Variants in DDR2 observed in about 807,000 individuals in gnomAD.
DDR2 encodes discoidin domain receptor tyrosine kinase 2, also known as discoidin domain-containing receptor 2.
DDR2 carries 27 observed loss-of-function variants against 94.9 expected under a neutral mutation model. The ratio of observed to expected loss-of-function variants is 0.28; its 90% CI spans 0.21 to 0.39. The LOEUF (loss-of-function observed/expected upper bound fraction) is 0.39. DDR2 is among the 10% of genes least tolerant of loss of function. The pLI is 1.00. For missense variants in DDR2, 783 were observed against 1,076.0 expected, an observed-to-expected ratio of 0.73 and a Z score of 3.81; for synonymous variants, 382 against 377.2, an observed-to-expected ratio of 1.01 and a Z score of -0.15.
chr1:162,702,484 C>G (rs578132718), intron 2 of DDR2, among the ~76,000 whole-genome samples: 1 of 152,116 alleles, frequency 6.6e-6, no homozygotes, highest in Non-Finnish European at 1.5e-5. Flanking sequence ...TTCATGTGTG[C>G]GACTCTGAGT....
In DDR2 at chr1:162,784,187, T is replaced by C. The variant is rs1648055166; in HGVS notation, c.*3941T>C. ...AGCCATGATGTGGGTCTAAACCATA[T>C]GTTTTGAGTAAAGGAGAATAGAAGA... On this transcript the variant is annotated 3_prime_UTR_variant, in exon 18 of 18. Coordinates refer to ENST00000367921, the MANE Select transcript of DDR2 (RefSeq NM_006182.4). 6.6e-6 allele frequency: 1 copy of C among 152,170 alleles called. No homozygotes were observed. The highest frequency in any genetic ancestry group is 2.1e-4 in the South Asian group (1 of 4,828). 9.4% of individuals were successfully genotyped at this position (152,170 alleles called of 1,614,324 possible).
intron 7 of DDR2, among the ~76,000 whole-genome samples, chr1:162,757,596 G>A (rs1267168014): frequency 6.6e-6 from 1 of 152,152 alleles, no homozygotes; most frequent in Non-Finnish European, 1.5e-5. Context: ...AGGAGAAATT[G>A]CTGTTCTTAT....
rs1188900792 is a variant in DDR2 at position 162,780,116 on chromosome 1, A to G, written c.2438A>G (p.Tyr813Cys). ...CCTTTATTTTTGTTCCCAAAGACTT[A>G]CCTCCCTCAACCAGCCATTTGTCCT... ...EFFRDQGRQT[Y>C]LPQPAICPDS... Residue 813 changes from tyrosine (Y) to cysteine (C), a missense_variant, in exon 18 of 18, where the codon TAC becomes TGC. Around this residue, in one of 2 missense-constraint regions of DDR2, gnomAD observed 264 missense variants for 428.2 expected, o/e 0.62. Transcript: ENST00000367921. 6.2e-7 allele frequency: 1 copy of G among 1,613,174 alleles called. No individual in the cohort carries two copies. Among genetic ancestry groups the G allele is most frequent in the Non-Finnish European group, 8.5e-7 (1 of 1,179,760 alleles).
At chr1:162,705,218 A>G (rs538494124) in intron 2 of DDR2, 13 of 152,216 alleles carry the variant, frequency 8.5e-5, no homozygotes, top group African/African-American at 3.1e-4. Flanking sequence ...ATCTCACTAC[A>G]GCCAGGGCCT....
chr1:162,657,985 G>A (rs755556209), intron 2 of DDR2, among the ~76,000 whole-genome samples: 58 of 151,938 alleles, frequency 3.8e-4, no homozygotes, highest in Non-Finnish European at 7.9e-4. Flanking sequence ...GCCATTCACA[G>A]TGTCTTCCTT....
chr1:162,761,098 AG>A, intron 8 of DDR2, 112 bp from the exon 9 acceptor site: 1 of 1,466,260 alleles, frequency 6.8e-7, no homozygotes, highest in Non-Finnish European at 9.5e-7. Context: ...CTCTTACCTC[AG>A]TTCAGAATAG....
At chr1:162,709,528 C>T (rs376702702) in intron 2 of DDR2, among the ~76,000 whole-genome samples, 84 of 152,280 alleles carry the variant, frequency 5.5e-4, no homozygotes, top group African/African-American at 2.0e-3. Context: ...TTTCAGGTCC[C>T]TTCAGGTTTT....
At chr1:162,653,828 C>T (rs1657826587) in intron 1 of DDR2, among the ~76,000 whole-genome samples, 1 of 152,182 alleles carries the variant, frequency 6.6e-6, no homozygotes, top group South Asian at 2.1e-4. Flanking sequence ...ACTTCAGCTG[C>T]ATACCTTGTT....
chr1:162,771,184 C>CAGAGTCATATCAGAAGGGAAGCT (rs1243458351), intron 12 of DDR2, among the ~76,000 whole-genome samples: 1 of 152,136 alleles, frequency 6.6e-6, no homozygotes, highest in Non-Finnish European at 1.5e-5. Context: ...AAAAATGATG[C>CAGAGTCATATCAGAAGGGAAGCT]AGAGTCATAT....
In DDR2 at chr1:162,718,925, G is replaced by A. The variant is rs568551968; in HGVS notation, c.-27-112G>A. ...AGTCCCATATATAAAAACAAACACT[G>A]CAGGAACACAAAATTAATTGTGAGA... On this transcript the variant is annotated intron_variant, in intron 2 of 17. Transcript: ENST00000367921. The A allele has an allele frequency of 2.5e-5, 28 of 1,110,306 alleles. No individual in the cohort carries two copies. In the African/African-American group the frequency reaches 4.0e-4, roughly 16 times the overall value. The allele number at this position is 1,110,306 out of a possible 1,614,324, so 68.8% of individuals were successfully genotyped here. A position where few individuals can be genotyped will look rare whatever the true frequency, so the allele number is the denominator to read the frequency against.
At chr1:162,769,881 A>G (rs1388017325) in intron 11 of DDR2, among the ~76,000 whole-genome samples, 2 of 152,196 alleles carry the variant, frequency 1.3e-5, no homozygotes, top group Non-Finnish European at 2.9e-5. Flanking sequence ...TCATCATGTT[A>G]TAGCACATGC....
chr1:162,749,947 A>G (rs962887235), intron 3 of DDR2, among the ~76,000 whole-genome samples: 4 of 152,246 alleles, frequency 2.6e-5, no homozygotes, highest in Admixed American at 2.0e-4. Flanking sequence ...AAGGCCTTCA[A>G]CAAAATTCAA....
At chr1:162,707,134 G>A (rs951555009) in intron 2 of DDR2, among the ~76,000 whole-genome samples, 3 of 152,112 alleles carry the variant, frequency 2.0e-5, no homozygotes, top group Admixed American at 1.3e-4. Context: ...TGGGGCTAGA[G>A]AGCCTTCAAT....
intron 3 of DDR2, among the ~76,000 whole-genome samples, chr1:162,720,568 A>T (rs1661376455): frequency 6.6e-6 from 1 of 150,532 alleles, no homozygotes; most frequent in South Asian, 2.1e-4. Context: ...TGGGAATTTG[A>T]ATAATTTCTA....
intron 3 of DDR2, among the ~76,000 whole-genome samples, chr1:162,747,106 T>A (rs1048877868): frequency 6.6e-6 from 1 of 152,196 alleles, no homozygotes; most frequent in Non-Finnish European, 1.5e-5. Context: ...AGAGCACCTC[T>A]TCTCCTCCAA....
chr1:162,762,575 G>A (rs1030862925), intron 9 of DDR2, among the ~76,000 whole-genome samples: 1 of 151,698 alleles, frequency 6.6e-6, no homozygotes, highest in African/African-American at 2.4e-5. Flanking sequence ...TATTTTTTCT[G>A]CATTTCTTAG....
rs758434465 is a variant in DDR2 at position 162,775,718 on chromosome 1, A to G, written c.1923A>G (p.Leu641=). The G allele has an allele frequency of 8.7e-6, 14 of 1,614,120 alleles. No individual in the cohort carries two copies. The highest frequency in any genetic ancestry group is 1.2e-5 in the Non-Finnish European group (14 of 1,179,990). ...RLKDPNIIHL[L]AVCITDDPLC... is the part of the protein sequence containing the mutation. ...AGGACCCAAACATCATCCATCTATT[A>G]GCTGTGTGTATCACTGATGACCCTC... The change falls in exon 15 of 18, where the codon TTA becomes TTG. Residue 641 remains leucine (L), a synonymous_variant. Coordinates refer to ENST00000367921, the MANE Select transcript of DDR2 (RefSeq NM_006182.4).
upstream of DDR2, chr1:162,631,352 G>A (rs1463808856): frequency 1.3e-5 from 2 of 152,126 alleles, no homozygotes; most frequent in Admixed American, 6.5e-5. Context: ...CTTGGAGACT[G>A]TGCAATCCCA....
intron 17 of DDR2, among the ~76,000 whole-genome samples, 197 bp downstream of exon 17, chr1:162,778,926 C>CAACT (rs1647741949): frequency 6.6e-6 from 1 of 152,136 alleles, no homozygotes; most frequent in Admixed American, 6.5e-5. Context: ...ATCTATGTGT[C>CAACT]AACTCATTGA....
Sources: gnomAD v4.1 joint callset for allele counts (sites outside exome capture counted in the v4.1 genomes callset) on GRCh38, gnomAD v4.1.1 for gene constraint, gnomAD v4.1.1 regional missense constraint, MANE v1.5 for transcripts, NCBI Gene and HGNC (gene_info 2026-07-23, HGNC 2026-07-21) for gene names.